The following PTPRD variants were observed in gnomAD, a reference collection of about 807,000 sequenced individuals.
The protein encoded by PTPRD is receptor-type tyrosine-protein phosphatase delta.
Under a neutral mutation model 214.5 loss-of-function variants are expected in PTPRD, and 34 were observed. That is an observed-to-expected ratio of 0.16 (90% CI 0.12 to 0.21). The LOEUF (loss-of-function observed/expected upper bound fraction) is 0.21, where lower values mean the gene tolerates loss of function less well. Ranked by LOEUF, PTPRD falls within the 10% of genes least tolerant of loss-of-function variation. PTPRD has a pLI of 1.00. For synonymous variants in PTPRD, 1,128 were observed against 845.7 expected (o/e 1.33, Z -5.79); for missense variants, 2,545 against 2,398.7 (o/e 1.06, Z -1.27).
At chr9:10,198,376 A>T (rs1260935508) in intron 3 of PTPRD, among the ~76,000 whole-genome samples, 1 of 152,160 alleles carries the variant, frequency 6.6e-6, no homozygotes, top group African/African-American at 2.4e-5. Flanking sequence ...ATAGTGCCTG[A>T]AAGGAAGATG....
At chr9:9,337,590 C>T (rs1001412529) in intron 9 of PTPRD, among the ~76,000 whole-genome samples, 1 of 152,094 alleles carries the variant, frequency 6.6e-6, no homozygotes, top group Non-Finnish European at 1.5e-5. Context: ...ATGAATCTAC[C>T]TTTAAGTGAT....
At chr9:10,611,800 G>C (rs950795031) in intron 2 of PTPRD, among the ~76,000 whole-genome samples, 1 of 151,884 alleles carries the variant, frequency 6.6e-6, no homozygotes, top group Non-Finnish European at 1.5e-5. Context: ...AACTATTCTA[G>C]TTCCAGGATT....
rs2094010042 is a variant in PTPRD, at chr9:8,417,313, C to G, written c.4087-12653G>C. ...GTTTCTACACACCCAACAGTGCTGC[C>G]CCAAAACCCTCACACACCATAAATT... On this transcript the variant is annotated intron_variant, in intron 35 of 45. Coordinates refer to ENST00000381196, the MANE Select transcript of PTPRD (RefSeq NM_002839.4). Among the ~76,000 whole-genome samples, 3 of 152,040 alleles carry G rather than the reference C, an allele frequency of 2.0e-5. No individual in the cohort carries two copies. The South Asian group carries it at 6.2e-4, about 32-fold the overall frequency.
chr9:8,747,343 C>G (rs1361189371), intron 11 of PTPRD, among the ~76,000 whole-genome samples: 1 of 152,074 alleles, frequency 6.6e-6, no homozygotes, highest in Non-Finnish European at 1.5e-5. Context: ...GTCCTCCATT[C>G]CCATACAACA....
intron 7 of PTPRD, among the ~76,000 whole-genome samples, chr9:9,638,503 C>T (rs985842774): frequency 2.0e-5 from 3 of 152,170 alleles, no homozygotes; most frequent in Non-Finnish European, 4.4e-5. Flanking sequence ...CTGACATGAT[C>T]AATTAAGTAA....
chr9:9,147,962 T>G (rs2099871474), intron 10 of PTPRD, among the ~76,000 whole-genome samples: 1 of 152,224 alleles, frequency 6.6e-6, no homozygotes, highest in Non-Finnish European at 1.5e-5. Flanking sequence ...CTGAGTCTGA[T>G]GCATGCTCCA....
In PTPRD at chr9:8,740,539, T is replaced by C. The variant is rs949510982; in HGVS notation, c.-103-6593A>G. Among the ~76,000 whole-genome samples the C allele has an allele frequency of 7.9e-5, 12 of 152,160 alleles. No individual in the cohort carries two copies. In the South Asian group the frequency reaches 1.5e-3, roughly 18 times the overall value. On this transcript the variant is annotated intron_variant, in intron 11 of 45. Transcript: ENST00000381196. Reference sequence around the variant, plus strand: ...AAAATATTACTGAGAAAAGGGGCCATTGAACAAGGTTATTGAATTTAATAA... The same window carrying C: ...AAAATATTACTGAGAAAAGGGGCCACTGAACAAGGTTATTGAATTTAATAA...
intron 34 of PTPRD, chr9:8,437,288 C>CAGA: frequency 7.7e-7 from 1 of 1,296,408 alleles, no homozygotes; most frequent in Non-Finnish European, 1.0e-6. Flanking sequence ...ACAAATTCTT[C>CAGA]AAAAAAAAAT....
At chr9:9,597,240 A>C (rs1181878681) in intron 7 of PTPRD, among the ~76,000 whole-genome samples, 7 of 152,022 alleles carry the variant, frequency 4.6e-5, no homozygotes, top group Admixed American at 2.0e-4. Flanking sequence ...CCCCCACCGC[A>C]GGATATCATC....
chr9:9,153,541 A>T (rs1284717163), intron 10 of PTPRD, among the ~76,000 whole-genome samples: 2 of 152,228 alleles, frequency 1.3e-5, no homozygotes, highest in African/African-American at 4.8e-5. Flanking sequence ...TAAGGTACAG[A>T]AATTAATGTC....
At chr9:8,933,340 G>GTTTTTTTTTTTTCTTTTT (rs2098966794) in intron 11 of PTPRD, among the ~76,000 whole-genome samples, 1 of 80,430 alleles carries the variant, frequency 1.2e-5, no homozygotes, top group Non-Finnish European at 2.3e-5. Context: ...CAACCTTGAG[G>GTTTTTTTTTTTTCTTTTT]TTTTTTTTTT....
rs533569342 is a variant in PTPRD, at chr9:9,265,052, G to C, written c.-202-81689C>G. Among the ~76,000 whole-genome samples, 26 of 151,776 alleles carry C rather than the reference G, an allele frequency of 1.7e-4. No individual in the cohort carries two copies. In the South Asian group the frequency reaches 5.4e-3, roughly 31 times the overall value. On this transcript the variant is annotated intron_variant, in intron 9 of 45. Coordinates refer to ENST00000381196, the MANE Select transcript of PTPRD (RefSeq NM_002839.4). ...AGAAATGCTAAAGCATATTCTTTAAGCTGAAACAAATGGATGCTATTAGTA... is the reference window on the plus strand; with the variant it reads ...AGAAATGCTAAAGCATATTCTTTAACCTGAAACAAATGGATGCTATTAGTA...
At chr9:8,713,563 G>T in intron 12 of PTPRD, 1 of 1,427,210 alleles carries the variant, frequency 7.0e-7, no homozygotes. Flanking sequence ...GCTGCGCTGT[G>T]ACTCCCGGAG....
At chr9:9,211,524 C>A (rs1045728369) in intron 9 of PTPRD, among the ~76,000 whole-genome samples, 3 of 65,326 alleles carry the variant, frequency 4.6e-5, no homozygotes, top group African/African-American at 1.2e-4. Context: ...CGCACACACA[C>A]ACACACACAC....
chr9:10,588,924 A>G (rs570386221), intron 2 of PTPRD, among the ~76,000 whole-genome samples: 26 of 152,124 alleles, frequency 1.7e-4, no homozygotes, highest in Admixed American at 9.2e-4. Context: ...TACTTGGTCT[A>G]TTTCTCTCAC....
At chr9:8,388,582 C>CA (rs2088115279) in intron 37 of PTPRD, among the ~76,000 whole-genome samples, 1 of 152,130 alleles carries the variant, frequency 6.6e-6, no homozygotes, top group Non-Finnish European at 1.5e-5. Context: ...ACTAATGTGC[C>CA]ATGCACCATA....
At chr9:9,393,648 T>C (rs544929949) in intron 9 of PTPRD, among the ~76,000 whole-genome samples, 2 of 152,256 alleles carry the variant, frequency 1.3e-5, no homozygotes, top group Admixed American at 1.3e-4. Context: ...CAACAGATAA[T>C]TGATATAGTT....
At chr9:8,769,476 G>A (rs935096144) in intron 11 of PTPRD, among the ~76,000 whole-genome samples, 7 of 152,116 alleles carry the variant, frequency 4.6e-5, no homozygotes, top group Non-Finnish European at 7.4e-5. Context: ...TGATTTGGCC[G>A]AGGCAGTAGA....
chr9:10,222,983 G>C (rs1028730789), intron 3 of PTPRD, among the ~76,000 whole-genome samples: 2 of 152,060 alleles, frequency 1.3e-5, no homozygotes, highest in Admixed American at 6.6e-5. Flanking sequence ...TACCAAGCCA[G>C]AGGGAAAGAA....
Sources: gnomAD v4.1 joint callset for allele counts (sites outside exome capture counted in the v4.1 genomes callset) on GRCh38, gnomAD v4.1.1 for gene constraint, MANE v1.5 for transcripts, NCBI Gene and HGNC (gene_info 2026-07-23, HGNC 2026-07-21) for gene names.